Variants in JMJD1C observed in about 807,000 individuals in gnomAD.
The protein encoded by JMJD1C is jumonji domain-containing protein 1C.
Under a neutral mutation model 245.3 loss-of-function variants are expected in JMJD1C, and 31 were observed. The observed-to-expected ratio is 0.13, with a 90% CI of 0.09 to 0.17. The LOEUF is 0.17. Ranked by LOEUF, JMJD1C falls within the 10% of genes least tolerant of loss-of-function variation. The probability of loss-of-function intolerance (pLI) is 1.00; values close to 1 mark genes in which losing one functional copy is unlikely to be tolerated. For missense variants in JMJD1C, 2,691 were observed against 3,000.2 expected, an observed-to-expected ratio of 0.90 and a Z score of 2.41; for synonymous variants, 1,057 against 1,017.4, an observed-to-expected ratio of 1.04 and a Z score of -0.74.
intron 1 of JMJD1C, among the ~76,000 whole-genome samples, chr10:63,507,732 C>CATT (rs1954766028): frequency 6.6e-6 from 1 of 150,488 alleles, no homozygotes. Context: ...TGCTAGTCAG[C>CATT]ATTTTGTGTC....
intron 1 of JMJD1C, among the ~76,000 whole-genome samples, chr10:63,416,656 T>C (rs1352853037): frequency 1.3e-5 from 2 of 152,092 alleles, no homozygotes; most frequent in African/African-American, 4.8e-5. Context: ...CTCCTACCAC[T>C]TTAAGAAGCT....
intron 2 of JMJD1C, among the ~76,000 whole-genome samples, chr10:63,276,329 G>A (rs1165676764): frequency 6.6e-6 from 1 of 152,028 alleles, no homozygotes; most frequent in African/African-American, 2.4e-5. Context: ...AGCTGGGCGG[G>A]GTGGCGGGTG....
chr10:63,303,345 G>A (rs550079136), intron 2 of JMJD1C, among the ~76,000 whole-genome samples: 1 of 152,158 alleles, frequency 6.6e-6, no homozygotes, highest in Middle Eastern at 3.4e-3. Flanking sequence ...TCGCTCTGTC[G>A]CCCAGGCCGG....
intron 2 of JMJD1C, among the ~76,000 whole-genome samples, chr10:63,271,266 G>A (rs1011444987): frequency 2.0e-5 from 3 of 151,654 alleles, no homozygotes; most frequent in Non-Finnish European, 4.4e-5. Flanking sequence ...CTCTGCCCCC[G>A]TGGGGATTCA....
intron 1 of JMJD1C, among the ~76,000 whole-genome samples, chr10:63,445,912 G>C (rs1951692279): frequency 8.6e-6 from 1 of 116,484 alleles, no homozygotes; most frequent in Non-Finnish European, 1.6e-5. Flanking sequence ...TCTCACTCTG[G>C]TTACCTAGGC....
chr10:63,247,360 A>C (rs932784842), intron 3 of JMJD1C, among the ~76,000 whole-genome samples: 1 of 152,138 alleles, frequency 6.6e-6, no homozygotes, highest in Non-Finnish European at 1.5e-5. Flanking sequence ...GGATAAATTC[A>C]TGGACACACA....
rs1434302192 is a variant in JMJD1C, at chr10:63,442,018, AC to A, written c.168+23476del. Among the ~76,000 whole-genome samples, 7 of 152,328 alleles carry A rather than the reference AC, an allele frequency of 4.6e-5. No individual in the cohort carries two copies. In the East Asian group the frequency reaches 1.3e-3, roughly 29 times the overall value. On this transcript the variant is annotated intron_variant, in intron 1 of 25. Transcript: ENST00000399262. ...TGTAAAGCACTGTTCTGTGGACTAC[AC>A]ATCTAAGGTATTAAATGTACATACT...
At position 63,259,603 on chromosome 10, in the gene JMJD1C, A is replaced by T. The variant is rs1304297049; in HGVS notation, c.447+5048T>A. On this transcript the variant is annotated intron_variant, in intron 3 of 25. Coordinates refer to ENST00000399262, the MANE Select transcript of JMJD1C (RefSeq NM_032776.3). ...GAAATATGGGTTAAAATGGATTCAA[A>T]CTGGAAAAACTATCATTGAAAGACT... Among the ~76,000 whole-genome samples the T allele has an allele frequency of 2.0e-5, 3 of 152,214 alleles. No homozygotes were observed. In the East Asian group the frequency reaches 5.8e-4, roughly 29 times the overall value.
chr10:63,176,781 T>G (rs1307662229), intron 23 of JMJD1C: 1 of 219,630 alleles, frequency 4.6e-6, no homozygotes. Flanking sequence ...GTATAGCACA[T>G]GGATGAGGAA....
intron 1 of JMJD1C, among the ~76,000 whole-genome samples, chr10:63,392,867 A>AACACACACACACACACACACACACAC (rs34778084): frequency 8.9e-6 from 1 of 112,260 alleles, no homozygotes. Context: ...AAAGTACATA[A>AACACACACACACACACACACACACAC]ACACACACAC....
At chr10:63,445,719 T>C (rs1164912749) in intron 1 of JMJD1C, among the ~76,000 whole-genome samples, 1 of 152,114 alleles carries the variant, frequency 6.6e-6, no homozygotes, top group Non-Finnish European at 1.5e-5. Context: ...AGGAGGCAGT[T>C]AGATATCTAG....
chr10:63,448,161 A>T (rs1298105887), intron 1 of JMJD1C, among the ~76,000 whole-genome samples: 2 of 151,760 alleles, frequency 1.3e-5, no homozygotes. Context: ...TTTTATTTTA[A>T]TTTTATTTTA....
chr10:63,173,307 A>G (rs1354528561), intron 24 of JMJD1C, among the ~76,000 whole-genome samples: 3 of 152,194 alleles, frequency 2.0e-5, no homozygotes, highest in Non-Finnish European at 4.4e-5. Flanking sequence ...ACCTCAAACT[A>G]TAATGGTTCT....
At position 63,486,996 on chromosome 10, in the gene JMJD1C, G is replaced by A. The variant is rs574044250; in HGVS notation, n.113+34742C>T. Among the ~76,000 whole-genome samples the A allele has an allele frequency of 3.3e-5, 5 of 152,294 alleles. No homozygotes were observed. In the South Asian group the frequency reaches 1.0e-3, roughly 32 times the overall value. On this transcript the variant is annotated intron_variant and non_coding_transcript_variant, in intron 1 of 3. Transcript: ENST00000633035. ...GTCACAACATTTGCTAAATGCTGAA[G>A]CCAGAACTCAGATTTAGGTAAGTTC...
chr10:63,488,706 C>CT (rs1954075605), intron 1 of JMJD1C, among the ~76,000 whole-genome samples: 1 of 152,178 alleles, frequency 6.6e-6, no homozygotes, highest in South Asian at 2.1e-4. Context: ...GAGATTAACT[C>CT]TATCTTTCCC....
chr10:63,180,277 C>T (rs1476251363), intron 22 of JMJD1C, among the ~76,000 whole-genome samples: 3 of 152,216 alleles, frequency 2.0e-5, no homozygotes, highest in Admixed American at 1.3e-4. Flanking sequence ...TCCCAAAGTG[C>T]TGGGATTACA....
chr10:63,511,494 G>A (rs1189454264), intron 1 of JMJD1C, among the ~76,000 whole-genome samples: 2 of 152,170 alleles, frequency 1.3e-5, no homozygotes, highest in Admixed American at 6.5e-5. Context: ...GGTGGATCAC[G>A]AGGTCAGGAG....
At chr10:63,248,278 T>C (rs1210492576) in intron 3 of JMJD1C, among the ~76,000 whole-genome samples, 1 of 151,534 alleles carries the variant, frequency 6.6e-6, no homozygotes, top group African/African-American at 2.4e-5. Context: ...CTGACCAACA[T>C]GGTGGTCAAG....
chr10:63,377,899 A>G (rs1253764016), intron 2 of JMJD1C, among the ~76,000 whole-genome samples: 3 of 109,410 alleles, frequency 2.7e-5, no homozygotes, highest in Non-Finnish European at 5.6e-5. Flanking sequence ...TCTTGTCTAA[A>G]TAAATAAAAT....
Sources: allele counts gnomAD v4.1 joint callset (sites outside exome capture counted in the v4.1 genomes callset), GRCh38; gene constraint gnomAD v4.1.1; transcripts MANE v1.5; gene names NCBI Gene and HGNC (gene_info 2026-07-23, HGNC 2026-07-21).